The following STK17A variants were observed in gnomAD, a reference collection of about 807,000 sequenced individuals.
STK17A encodes the protein serine/threonine kinase 17a.
STK17A carries 26 observed loss-of-function variants against 43.7 expected under a neutral mutation model. The ratio of observed to expected loss-of-function variants is 0.60; its 90% CI spans 0.44 to 0.83. The LOEUF (loss-of-function observed/expected upper bound fraction) is 0.83, where lower values mean the gene tolerates loss of function less well. Among genes scored for constraint, STK17A ranks in the 40% least tolerant of loss-of-function variants. STK17A has a pLI of 0.00. For missense variants in STK17A, 476 were observed against 511.6 expected (o/e 0.93, Z 0.67); for synonymous variants, 191 against 182.5 (o/e 1.05, Z -0.38).
rs766143001 is a variant in STK17A at position 43,624,883 on chromosome 7, A to G, written c.*41A>G. On this transcript the variant is annotated 3_prime_UTR_variant, in exon 7 of 7. Coordinates refer to ENST00000319357, the MANE Select transcript of STK17A (RefSeq NM_004760.3). ...AGAACTTCAAGATTTCTACATTGAA[A>G]ATGTTAATATTATTTATGGACCTCT... 8 of 1,506,146 alleles carry G rather than the reference A, an allele frequency of 5.3e-6. No homozygotes were observed. Among genetic ancestry groups the G allele is most frequent in the Non-Finnish European group, 6.3e-6 (7 of 1,118,814 alleles). The allele number at this position is 1,506,146 out of a possible 1,614,324, so 93.3% of individuals were successfully genotyped here.
At chr7:43,597,252 G>A (rs898464494) in intron 2 of STK17A, among the ~76,000 whole-genome samples, 2 of 151,966 alleles carry the variant, frequency 1.3e-5, no homozygotes, top group Non-Finnish European at 2.9e-5. Flanking sequence ...AAACCCTAAG[G>A]TCTAAAATCT....
chr7:43,621,897 C>T (rs2083931736), intron 4 of STK17A, among the ~76,000 whole-genome samples: 1 of 152,196 alleles, frequency 6.6e-6, no homozygotes, highest in African/African-American at 2.4e-5. Flanking sequence ...GTTTATGCCT[C>T]CCACAGTCAT....
At chr7:43,596,963 G>T (rs1331793600) in intron 2 of STK17A, among the ~76,000 whole-genome samples, 1 of 150,900 alleles carries the variant, frequency 6.6e-6, no homozygotes, top group Non-Finnish European at 1.5e-5. Flanking sequence ...AGGAGTTTGA[G>T]ATCAGCCTAA....
At chr7:43,595,414 A>T (rs1457310590) in intron 1 of STK17A, among the ~76,000 whole-genome samples, 1 of 151,840 alleles carries the variant, frequency 6.6e-6, no homozygotes, top group African/African-American at 2.4e-5. Flanking sequence ...AGTAGCTGGG[A>T]TTACAGGCAT....
rs1410922978 is a variant in STK17A, at chr7:43,586,568, C to G, written c.206+3119C>G. 2.0e-5 allele frequency among the ~76,000 whole-genome samples: 3 copies of G among 151,524 alleles called. No homozygotes were observed. In the East Asian group the frequency reaches 5.8e-4, roughly 29 times the overall value. ...TTAATGATTTCGTTACTGGGGCACA[C>G]AAGAGAAATGACCTTGGGTTCTGAT... On this transcript the variant is annotated intron_variant, in intron 1 of 6. Transcript: ENST00000319357.
intron 3 of STK17A, among the ~76,000 whole-genome samples, chr7:43,610,984 G>A (rs10227730): frequency 0.15 from 22,315 of 152,084 alleles, 2,181 homozygotes; most frequent in Non-Finnish European, 0.21. Context: ...GGGTGTGGTG[G>A]CAGGCACCTG....
At chr7:43,587,701 CT>C (rs2082453066) in intron 1 of STK17A, among the ~76,000 whole-genome samples, 2 of 151,396 alleles carry the variant, frequency 1.3e-5, no homozygotes, top group Non-Finnish European at 3.0e-5. Context: ...GCAGAAATTG[CT>C]TTGTTTTAAC....
At chr7:43,598,297 C>T (rs1342524029) in intron 2 of STK17A, among the ~76,000 whole-genome samples, 1 of 151,944 alleles carries the variant, frequency 6.6e-6, no homozygotes, top group Non-Finnish European at 1.5e-5. Flanking sequence ...AGTGAAACCT[C>T]GTCTCTACTA....
At chr7:43,584,444 C>T (rs1563141589) in intron 1 of STK17A, among the ~76,000 whole-genome samples, 1 of 152,228 alleles carries the variant, frequency 6.6e-6, no homozygotes. Flanking sequence ...CCATGCTTGT[C>T]AAGCGCATAC....
chr7:43,606,916 C>CTTTTTT (rs71011933), intron 2 of STK17A, among the ~76,000 whole-genome samples: 2,076 of 62,198 alleles, frequency 0.033, 118 homozygotes, highest in Admixed American at 0.043. Context: ...TTTCGATTTT[C>CTTTTTT]TTTTTTTTTT....
intron 3 of STK17A, among the ~76,000 whole-genome samples, chr7:43,610,564 G>T (rs1249972145): frequency 6.6e-6 from 1 of 151,900 alleles, no homozygotes; most frequent in African/African-American, 2.4e-5. Context: ...CTACTCCAGA[G>T]GCTGAGGGGG....
chr7:43,593,942 A>G (rs771237784), intron 1 of STK17A, among the ~76,000 whole-genome samples: 7 of 152,220 alleles, frequency 4.6e-5, no homozygotes, highest in Non-Finnish European at 1.5e-5. Context: ...CCAATTTGAA[A>G]TATGAAAACA....
chr7:43,587,483 A>G (rs116507352), intron 1 of STK17A, among the ~76,000 whole-genome samples: 2,107 of 151,472 alleles, frequency 0.014, 49 homozygotes, highest in African/African-American at 0.049. Context: ...GTCAGGGGTA[A>G]TAGGGACAAG....
intron 3 of STK17A, among the ~76,000 whole-genome samples, chr7:43,614,741 T>G (rs1357488518): frequency 6.6e-6 from 1 of 152,216 alleles, no homozygotes; most frequent in African/African-American, 2.4e-5. Flanking sequence ...TTTTAGAAAG[T>G]CTCTCACATT....
At chr7:43,593,354 A>G (rs2082492473) in intron 1 of STK17A, among the ~76,000 whole-genome samples, 4 of 152,224 alleles carry the variant, frequency 2.6e-5, no homozygotes, top group South Asian at 4.1e-4. Flanking sequence ...TGTGATTAAC[A>G]TATGAGTGCA....
chr7:43,626,844 G>GT lies in STK17A; in HGVS notation c.*2003dup, dbSNP rs2084602392. 1 of 152,110 alleles carries GT rather than the reference G, an allele frequency of 6.6e-6. No homozygotes were observed. The highest frequency in any genetic ancestry group is 1.5e-5 in the Non-Finnish European group (1 of 68,010). 9.4% of individuals were successfully genotyped at this position (152,110 alleles called of 1,614,324 possible). A position where few individuals can be genotyped will look rare whatever the true frequency, so the allele number is the denominator to read the frequency against. On this transcript the variant is annotated 3_prime_UTR_variant, in exon 7 of 7. Transcript: ENST00000319357. ...TTAGCTGGCCACTTCAGTTTGCTGC[G>GT]TATCTTTAGCTGCTGTTGTGCTTAA...
chr7:43,585,616 T>C (rs2082433155), intron 1 of STK17A, among the ~76,000 whole-genome samples: 1 of 151,508 alleles, frequency 6.6e-6, no homozygotes, highest in African/African-American at 2.4e-5. Context: ...TTTTATCGCA[T>C]AGGAGTTTAA....
intron 6 of STK17A, among the ~76,000 whole-genome samples, 179 bp downstream of exon 6, chr7:43,624,067 T>G (rs1256323588): frequency 6.6e-6 from 1 of 152,138 alleles, no homozygotes; most frequent in Non-Finnish European, 1.5e-5. Flanking sequence ...TGGCTTAATA[T>G]AACTTGAAAG....
chr7:43,595,797 G>C lies in STK17A; in HGVS notation c.207-104G>C, dbSNP rs2082510957. 2.9e-6 allele frequency: 3 copies of C among 1,017,640 alleles called. No homozygotes were observed. In the South Asian group the frequency reaches 5.0e-5, roughly 17 times the overall value. The allele number at this position is 1,017,640 out of a possible 1,614,324, so 63.0% of individuals were successfully genotyped here. ...TTTCTACTTTTGTGATTGTATATAAGCTAAATTTGAATATCTACCAATGGG... is the reference window on the plus strand; with the variant it reads ...TTTCTACTTTTGTGATTGTATATAACCTAAATTTGAATATCTACCAATGGG... On this transcript the variant is annotated intron_variant, in intron 1 of 6. Coordinates refer to ENST00000319357, the MANE Select transcript of STK17A (RefSeq NM_004760.3).
Sources: gnomAD v4.1 joint callset for allele counts (sites outside exome capture counted in the v4.1 genomes callset) on GRCh38, gnomAD v4.1.1 for gene constraint, MANE v1.5 for transcripts, NCBI Gene and HGNC (gene_info 2026-07-23, HGNC 2026-07-21) for gene names.